The following DGKI variants were observed in gnomAD, a reference collection of about 807,000 sequenced individuals.
DGKI encodes diacylglycerol kinase iota.
Under a neutral mutation model 147.5 loss-of-function variants are expected in DGKI, and 55 were observed. That is an observed-to-expected ratio of 0.37 (90% CI 0.30 to 0.47). The LOEUF (loss-of-function observed/expected upper bound fraction) is 0.47. DGKI is among the 20% of genes least tolerant of loss of function. DGKI has a pLI of 1.00. For missense variants in DGKI, 1,007 were observed against 1,323.8 expected (o/e 0.76, Z 3.71); for synonymous variants, 469 against 477.1 (o/e 0.98, Z 0.22).
intron 26 of DGKI, 86 bp downstream of exon 26, chr7:137,465,822 C>A: frequency 3.3e-6 from 5 of 1,504,000 alleles, no homozygotes; most frequent in Admixed American, 2.1e-5. Flanking sequence ...CATTTGATGT[C>A]ATTAGAACGA....
intron 11 of DGKI, among the ~76,000 whole-genome samples, chr7:137,598,197 A>G (rs1819864348): frequency 6.6e-6 from 1 of 152,180 alleles, no homozygotes. Flanking sequence ...TTATATGTCA[A>G]CATTATTTTC....
intron 1 of DGKI, among the ~76,000 whole-genome samples, chr7:137,708,869 C>T (rs965887713): frequency 6.6e-6 from 1 of 152,018 alleles, no homozygotes; most frequent in Admixed American, 6.5e-5. Flanking sequence ...GAAGTGACCT[C>T]GAGTAGAAGC....
At chr7:137,444,210 A>G in intron 27 of DGKI, 108 bp from the exon 28 acceptor site, 3 of 677,870 alleles carry the variant, frequency 4.4e-6, no homozygotes, top group Non-Finnish European at 7.3e-6. Flanking sequence ...ATGGAAAGTC[A>G]ATATAGTAGA....
intron 28 of DGKI, among the ~76,000 whole-genome samples, chr7:137,436,847 T>TA (rs1269598047): frequency 1.3e-5 from 2 of 152,140 alleles, no homozygotes; most frequent in African/African-American, 4.8e-5. Context: ...GATTTCTATT[T>TA]AAAAATCAAT....
chr7:137,667,131 T>C (rs1368489029), intron 3 of DGKI, among the ~76,000 whole-genome samples: 7 of 152,152 alleles, frequency 4.6e-5, no homozygotes, highest in Admixed American at 3.9e-4. Flanking sequence ...TTCAAGGTTA[T>C]TATTTGTGCC....
At chr7:137,585,142 AT>A (rs879700103) in intron 14 of DGKI, 66 bp downstream of exon 14, 445 of 1,580,300 alleles carry the variant, frequency 2.8e-4, no homozygotes, top group Non-Finnish European at 3.6e-4. Context: ...TCCAGCCAGG[AT>A]TTTTTTTCCT....
intron 1 of DGKI, among the ~76,000 whole-genome samples, chr7:137,823,720 C>T (rs749095703): frequency 1.3e-5 from 2 of 152,170 alleles, no homozygotes; most frequent in South Asian, 2.1e-4. Context: ...TATGTAAAAA[C>T]CAGTTCAGAC....
In DGKI at chr7:137,385,773, T is replaced by C. The variant is rs1483297335; in HGVS notation, c.*5447A>G. ...TATTCTCTTCCTACTTATGTTTTCA[T>C]TGAACCAAAACATTGCTGGCTAATG... On this transcript the variant is annotated 3_prime_UTR_variant, in exon 33 of 33. Coordinates refer to ENST00000614521, the MANE Select transcript of DGKI (RefSeq NM_001321708.2). The C allele has an allele frequency of 6.6e-6, 1 of 152,116 alleles. No homozygotes were observed. The highest frequency in any genetic ancestry group is 2.4e-5 in the African/African-American group (1 of 41,440). 9.4% of individuals were successfully genotyped at this position (152,116 alleles called of 1,614,324 possible). A position where few individuals can be genotyped will look rare whatever the true frequency, so the allele number is the denominator to read the frequency against.
intron 1 of DGKI, among the ~76,000 whole-genome samples, chr7:137,690,851 A>G (rs1823578045): frequency 6.6e-6 from 1 of 152,078 alleles, no homozygotes; most frequent in Admixed American, 6.6e-5. Context: ...AACAGCAAGA[A>G]GAAGAAAAAA....
At chr7:137,588,625 T>C (rs1254396467) in intron 12 of DGKI, among the ~76,000 whole-genome samples, 3 of 152,082 alleles carry the variant, frequency 2.0e-5, no homozygotes, top group South Asian at 2.1e-4. Flanking sequence ...TACAGGCGTA[T>C]GCCACCACGC....
intron 1 of DGKI, among the ~76,000 whole-genome samples, chr7:137,773,123 G>A (rs1191646209): frequency 1.3e-5 from 2 of 152,174 alleles, no homozygotes; most frequent in African/African-American, 4.8e-5. Context: ...TACAAACTGT[G>A]TACCAAAGCA....
intron 23 of DGKI, among the ~76,000 whole-genome samples, chr7:137,470,676 T>G (rs144787732): frequency 0.015 from 2,350 of 152,274 alleles, 66 homozygotes; most frequent in African/African-American, 0.053. Context: ...CAGGTGATCC[T>G]CCAGCCTCAG....
chr7:137,691,057 G>T (rs2116458759), intron 1 of DGKI, among the ~76,000 whole-genome samples: 1 of 152,296 alleles, frequency 6.6e-6, no homozygotes, highest in South Asian at 2.1e-4. Context: ...GGTCTGAGAA[G>T]TACCTGAAAT....
At chr7:137,674,622 C>T (rs1213383594) in intron 3 of DGKI, among the ~76,000 whole-genome samples, 1 of 152,150 alleles carries the variant, frequency 6.6e-6, no homozygotes, top group Non-Finnish European at 1.5e-5. Context: ...AAACCTAACT[C>T]CATTCTTACT....
Position 137,691,798 on chromosome 7 carries a change from G to GTTTTTTTTTTTTTTTTTTTTT in DGKI, c.402-1817_402-1797dup, listed in dbSNP as rs796902464. ...GCTCAGCAAGTGTCTAGACCTTTGG[G>GTTTTTTTTTTTTTTTTTTTTT]TTTTTTTTTTTTTTTTTTTTTTTAA... is the stretch of plus-strand genomic sequence containing the variant. On this transcript the variant is annotated intron_variant, in intron 1 of 32. Coordinates refer to ENST00000614521, the MANE Select transcript of DGKI (RefSeq NM_001321708.2). Among the ~76,000 whole-genome samples the GTTTTTTTTTTTTTTTTTTTTT allele has an allele frequency of 1.1e-3, 105 of 95,802 alleles. 2 individuals are homozygous for GTTTTTTTTTTTTTTTTTTTTT. Among genetic ancestry groups the GTTTTTTTTTTTTTTTTTTTTT allele is most frequent in the Middle Eastern group, 6.8e-3 (1 of 146 alleles). The allele number at this position is 95,802 out of a possible 152,430, so 62.8% of individuals were successfully genotyped here. A position where few individuals can be genotyped will look rare whatever the true frequency, so the allele number is the denominator to read the frequency against.
At chr7:137,826,751 C>G (rs1043776927) in intron 1 of DGKI, among the ~76,000 whole-genome samples, 2 of 152,106 alleles carry the variant, frequency 1.3e-5, no homozygotes, top group Admixed American at 6.5e-5. Context: ...TTTATCCAAA[C>G]AGTTTAGAGG....
chr7:137,513,091 T>C (rs1816631636), intron 21 of DGKI, among the ~76,000 whole-genome samples: 1 of 152,206 alleles, frequency 6.6e-6, no homozygotes, highest in African/African-American at 2.4e-5. Flanking sequence ...CCTCTTTTTT[T>C]CCAGAACACT....
chr7:137,557,437 C>T (rs191950630), intron 19 of DGKI, among the ~76,000 whole-genome samples: 3 of 152,140 alleles, frequency 2.0e-5, no homozygotes, highest in East Asian at 1.9e-4. Flanking sequence ...ACATGAACTA[C>T]GGTGATGTGG....
chr7:137,464,405 A>T (rs1814574327), intron 26 of DGKI, among the ~76,000 whole-genome samples: 1 of 151,962 alleles, frequency 6.6e-6, no homozygotes, highest in South Asian at 2.1e-4. Context: ...AGACTCTAGC[A>T]CCTGCTGCTT....
Sources: gnomAD v4.1 joint callset for allele counts (sites outside exome capture counted in the v4.1 genomes callset) on GRCh38, gnomAD v4.1.1 for gene constraint, MANE v1.5 for transcripts, NCBI Gene and HGNC (gene_info 2026-07-23, HGNC 2026-07-21) for gene names.